The following NTNG1 variants were observed in gnomAD, a reference collection of about 807,000 sequenced individuals.
NTNG1 encodes netrin-G1.
In NTNG1, 16 loss-of-function variants were observed where a neutral mutation model predicts 54.0. The ratio of observed to expected loss-of-function variants is 0.30; its 90% CI spans 0.20 to 0.45. The LOEUF is 0.45. Among genes scored for constraint, NTNG1 ranks in the 20% least tolerant of loss-of-function variants. NTNG1 has a pLI of 1.00. For missense variants in NTNG1, 530 were observed against 678.7 expected (o/e 0.78, Z 2.43); for synonymous variants, 255 against 263.1 (o/e 0.97, Z 0.30).
chr1:107,473,295 C>T (rs781765662), intron 7 of NTNG1, among the ~76,000 whole-genome samples: 35 of 152,124 alleles, frequency 2.3e-4, no homozygotes, highest in Non-Finnish European at 3.4e-4. Flanking sequence ...AAATGTATAA[C>T]GTTGAACAAA....
chr1:107,376,024 G>T (rs1671209366), intron 3 of NTNG1, among the ~76,000 whole-genome samples: 1 of 152,192 alleles, frequency 6.6e-6, no homozygotes, highest in Non-Finnish European at 1.5e-5. Flanking sequence ...TAATAGTAAT[G>T]ATAGTAATTT....
intron 7 of NTNG1, among the ~76,000 whole-genome samples, chr1:107,444,248 T>C (rs996356555): frequency 6.6e-6 from 1 of 152,018 alleles, no homozygotes; most frequent in Non-Finnish European, 1.5e-5. Context: ...CCCATAGACC[T>C]CTAAAACATC....
chr1:107,353,996 A>G (rs1028016995), intron 3 of NTNG1, among the ~76,000 whole-genome samples: 1 of 152,196 alleles, frequency 6.6e-6, no homozygotes, highest in Non-Finnish European at 1.5e-5. Flanking sequence ...ATCAACCCCA[A>G]TGATCCAATC....
At chr1:107,157,835 C>A (rs1044623939) in intron 2 of NTNG1, among the ~76,000 whole-genome samples, 17 of 152,054 alleles carry the variant, frequency 1.1e-4, no homozygotes, top group Middle Eastern at 6.8e-3. Context: ...AATATTTGGA[C>A]CTTTTACAAA....
intron 3 of NTNG1, among the ~76,000 whole-genome samples, chr1:107,346,500 C>G (rs965887743): frequency 6.6e-6 from 1 of 152,118 alleles, no homozygotes; most frequent in Non-Finnish European, 1.5e-5. Context: ...GATGGCTGTT[C>G]TGGATTTAAA....
intron 7 of NTNG1, among the ~76,000 whole-genome samples, chr1:107,475,009 C>T (rs1678221555): frequency 6.6e-6 from 1 of 152,140 alleles, no homozygotes; most frequent in Non-Finnish European, 1.5e-5. Flanking sequence ...ATTGGCATTT[C>T]TGGTTTATTT....
chr1:107,223,106 G>GGAATATGCATTTTGAC (rs1553204324), intron 2 of NTNG1, among the ~76,000 whole-genome samples: 1 of 152,000 alleles, frequency 6.6e-6, no homozygotes, highest in African/African-American at 2.4e-5. Flanking sequence ...GGTCTGTGGT[G>GGAATATGCATTTTGAC]GAATATGCAT....
intron 2 of NTNG1, among the ~76,000 whole-genome samples, chr1:107,269,286 T>C (rs949965878): frequency 5.9e-5 from 9 of 152,198 alleles, no homozygotes; most frequent in Non-Finnish European, 1.0e-4. Flanking sequence ...ACTTCCCAAA[T>C]CTACATGACT....
At chr1:107,418,415 T>C (rs1255170849) in intron 5 of NTNG1, among the ~76,000 whole-genome samples, 1 of 152,038 alleles carries the variant, frequency 6.6e-6, no homozygotes, top group African/African-American at 2.4e-5. Flanking sequence ...GAATCATCAA[T>C]TGCTTGCTCT....
chr1:107,370,501 C>G (rs1379620513), intron 3 of NTNG1, among the ~76,000 whole-genome samples: 1 of 151,786 alleles, frequency 6.6e-6, no homozygotes, highest in Non-Finnish European at 1.5e-5. Flanking sequence ...TCTTTTATCC[C>G]TCACCCCCCT....
intron 3 of NTNG1, among the ~76,000 whole-genome samples, chr1:107,339,025 C>T (rs533194437): frequency 1.6e-4 from 25 of 152,030 alleles, no homozygotes; most frequent in African/African-American, 5.8e-4. Flanking sequence ...CAGCATAGTA[C>T]AATATTCTAC....
chr1:107,293,270 A>G (rs1295431869), intron 2 of NTNG1, among the ~76,000 whole-genome samples: 1 of 152,196 alleles, frequency 6.6e-6, no homozygotes, highest in East Asian at 1.9e-4. Flanking sequence ...AAATTTTTAT[A>G]ATCTTTTGTT....
intron 3 of NTNG1, among the ~76,000 whole-genome samples, chr1:107,349,335 T>A (rs532506299): frequency 1.1e-3 from 170 of 152,308 alleles, no homozygotes; most frequent in Middle Eastern, 0.01. Flanking sequence ...ATCTATTTTT[T>A]AATTTATTTT....
intron 3 of NTNG1, among the ~76,000 whole-genome samples, chr1:107,361,883 G>A (rs181417486): frequency 4.6e-5 from 7 of 152,212 alleles, no homozygotes; most frequent in African/African-American, 1.2e-4. Flanking sequence ...CATCAAATTA[G>A]CATCTTGGCT....
intron 2 of NTNG1, among the ~76,000 whole-genome samples, chr1:107,306,284 G>A (rs1666692022): frequency 6.6e-6 from 1 of 152,030 alleles, no homozygotes; most frequent in Non-Finnish European, 1.5e-5. Flanking sequence ...AGTTACTAGC[G>A]AGGTATTCTT....
chr1:107,252,339 C>T, intron 2 of NTNG1, among the ~76,000 whole-genome samples: 1 of 152,128 alleles, frequency 6.6e-6, no homozygotes, highest in East Asian at 1.9e-4. Context: ...TTTGGTGATT[C>T]CTTCCTTTCC....
chr1:107,378,761 C>A (rs1671461311), intron 3 of NTNG1, among the ~76,000 whole-genome samples: 1 of 152,102 alleles, frequency 6.6e-6, no homozygotes, highest in African/African-American at 2.4e-5. Context: ...CCTAGAGCCA[C>A]CCTTGGAAGC....
intron 3 of NTNG1, among the ~76,000 whole-genome samples, chr1:107,382,200 C>T (rs1671690261): frequency 6.6e-6 from 1 of 152,082 alleles, no homozygotes; most frequent in Admixed American, 6.5e-5. Context: ...TGTGCAAAAG[C>T]TACAGCATGC....
At chr1:107,193,425 T>C (rs1171108948) in intron 2 of NTNG1, among the ~76,000 whole-genome samples, 1 of 152,054 alleles carries the variant, frequency 6.6e-6, no homozygotes, top group African/African-American at 2.4e-5. Flanking sequence ...TTCATGCTCT[T>C]TGTCCTCATA....
Sources: allele counts gnomAD v4.1 joint callset (sites outside exome capture counted in the v4.1 genomes callset), GRCh38; gene constraint gnomAD v4.1.1; transcripts MANE v1.5; gene names NCBI Gene and HGNC (gene_info 2026-07-23, HGNC 2026-07-21).